Variants in DNAH2 observed in about 807,000 individuals in gnomAD.
DNAH2 encodes the protein dynein axonemal heavy chain 2, also known as axonemal beta dynein heavy chain 2.
A neutral mutation model predicts 523.5 loss-of-function variants in DNAH2; 323 were observed. The observed-to-expected ratio is 0.62, with a 90% CI of 0.56 to 0.68. DNAH2 has a LOEUF of 0.68. Ranked by LOEUF, DNAH2 falls within the 30% of genes least tolerant of loss-of-function variation. DNAH2 has a pLI of 0.00. For missense variants in DNAH2, 4,907 were observed against 5,701.5 expected, an observed-to-expected ratio of 0.86 and a Z score of 4.49; for synonymous variants, 2,093 against 2,177.4, an observed-to-expected ratio of 0.96 and a Z score of 1.08.
chr17:7,740,066 C>G (rs556777483), intron 9 of DNAH2, 128 bp downstream of exon 9: 434 of 282,692 alleles, frequency 1.5e-3, no homozygotes, highest in South Asian at 3.4e-3. Flanking sequence ...GGCGGTGGCC[C>G]GGGGGGGGGG....
chr17:7,721,827 G>A (rs1264565692), intron 2 of DNAH2, among the ~76,000 whole-genome samples: 1 of 152,194 alleles, frequency 6.6e-6, no homozygotes, highest in Non-Finnish European at 1.5e-5. Flanking sequence ...GGGTGTGGCA[G>A]AACTGAATGC....
In DNAH2 at chr17:7,751,725, T is replaced by A. The variant is rs2075688239; in HGVS notation, c.1905-5366T>A. On this transcript the variant is annotated intron_variant, in intron 12 of 85. Coordinates refer to ENST00000572933, the MANE Select transcript of DNAH2 (RefSeq NM_020877.5). ...AACCAAACTGTTTTAATTATTGTCC[T>A]CATTACTCTTCTTTCTTCAGAGTTT... Among the ~76,000 whole-genome samples the A allele has an allele frequency of 2.6e-5, 4 of 152,274 alleles. No homozygotes were observed. In the South Asian group the frequency reaches 8.3e-4, roughly 32 times the overall value.
At position 7,759,880 on chromosome 17, in the gene DNAH2, C is replaced by T. The variant is rs753492828; in HGVS notation, c.2727C>T (p.His909=). The T allele has an allele frequency of 2.5e-6, 4 of 1,614,218 alleles. No individual in the cohort carries two copies. The highest frequency in any genetic ancestry group is 4.5e-5 in the East Asian group (2 of 44,886). ...HLFSTISVFC[H]LPDILTKRKL... is the part of the protein sequence containing the mutation. ...TTTCCACCATCTCTGTCTTCTGCCA[C>T]CTCCCTGACATTCTCACCAAGCGCA... is the stretch of plus-strand genomic sequence containing the variant. Residue 909 remains histidine, a synonymous_variant, in exon 17 of 86, where the codon CAC becomes CAT. Transcript: ENST00000572933.
chr17:7,724,901 C>T (rs1263319906), intron 3 of DNAH2, among the ~76,000 whole-genome samples: 4 of 151,636 alleles, frequency 2.6e-5, no homozygotes, highest in Non-Finnish European at 2.9e-5. Flanking sequence ...CACCACCACG[C>T]CCAGCTAATT....
At chr17:7,720,524 G>A (rs181304091) in intron 2 of DNAH2, among the ~76,000 whole-genome samples, 3 of 152,270 alleles carry the variant, frequency 2.0e-5, no homozygotes, top group Non-Finnish European at 2.9e-5. Flanking sequence ...TCCTGTGGGT[G>A]AGCCGGAGCC....
Position 7,833,359 on chromosome 17 carries a change from TCTC to T in DNAH2, c.13130-16_13130-14del, listed in dbSNP as rs1183146494. 1.2e-6 allele frequency: 2 copies of T among 1,612,792 alleles called. No individual in the cohort carries two copies. Among genetic ancestry groups the T allele is most frequent in the Admixed American group, 1.7e-5 (1 of 60,010 alleles). On this transcript the variant is annotated splice_polypyrimidine_tract_variant and intron_variant, in intron 85 of 85. Coordinates refer to ENST00000572933, the MANE Select transcript of DNAH2 (RefSeq NM_020877.5). ...TCCCGGAGGCTCCAGGGGTCTGACT[TCTC>T]CTCTCCTTTCCCCCAGGCATGTACT...
Position 7,764,286 on chromosome 17 carries a change from G to A in DNAH2, c.3336+13G>A. ...AGTCGAGGACAGTGTGAGTTCCTTT[G>A]GTGTTTGGTTTACCTGGGACCCGTA... On this transcript the variant is annotated intron_variant, in intron 20 of 85. Coordinates refer to ENST00000572933, the MANE Select transcript of DNAH2 (RefSeq NM_020877.5). 6.3e-7 allele frequency: 1 copy of A among 1,585,920 alleles called. No individual in the cohort carries two copies. Among genetic ancestry groups the A allele is most frequent in the East Asian group, 2.2e-5 (1 of 44,726 alleles).
intron 4 of DNAH2, among the ~76,000 whole-genome samples, chr17:7,731,506 C>T (rs1397230257): frequency 2.0e-5 from 3 of 151,938 alleles, no homozygotes; most frequent in African/African-American, 7.2e-5. Flanking sequence ...TAATTAAAAA[C>T]AGCTTGCTCC....
chr17:7,763,068 C>T (rs772768064), intron 18 of DNAH2, among the ~76,000 whole-genome samples: 30 of 151,924 alleles, frequency 2.0e-4, no homozygotes, highest in East Asian at 3.9e-4. Flanking sequence ...CTCCGCCTCC[C>T]GGGTTCAAGT....
Position 7,758,952 on chromosome 17 carries a change from C to T in DNAH2, c.2276C>T (p.Ser759Leu). Residue 759 changes from serine (S) to leucine (L), a missense_variant, in exon 15 of 86, where the codon TCA (serine) becomes TTA (leucine). Ser to Leu is a moderately radical substitution (Grantham distance 145, BLOSUM62 -2). Transcript: ENST00000572933. ...LTIGWRAQEM[S>L]EKLLVRISGK... is the part of the protein sequence containing the mutation. Reference sequence around the variant, plus strand: ...ATTGGCTGGCGAGCCCAAGAGATGTCAGAGAAGCTGCTGGTACGCATTAGT... The same window carrying T: ...ATTGGCTGGCGAGCCCAAGAGATGTTAGAGAAGCTGCTGGTACGCATTAGT... 6.2e-7 allele frequency: 1 copy of T among 1,614,144 alleles called. No individual in the cohort carries two copies. The highest frequency in any genetic ancestry group is 8.5e-7 in the Non-Finnish European group (1 of 1,180,034).
At chr17:7,762,335 T>TC (rs1000179103) in intron 18 of DNAH2, among the ~76,000 whole-genome samples, 34 of 145,740 alleles carry the variant, frequency 2.3e-4, no homozygotes, top group African/African-American at 8.3e-4. Context: ...GGATTTCTTT[T>TC]TTTTTTTTTT....
intron 12 of DNAH2, among the ~76,000 whole-genome samples, chr17:7,745,628 G>A (rs1371389601): frequency 6.6e-6 from 1 of 151,012 alleles, no homozygotes; most frequent in Non-Finnish European, 1.5e-5. Flanking sequence ...ATCAGTGGGG[G>A]CATAAACAAA....
intron 44 of DNAH2, among the ~76,000 whole-genome samples, 159 bp from the exon 45 acceptor site, chr17:7,791,758 T>C (rs1471039644): frequency 2.0e-5 from 3 of 152,156 alleles, no homozygotes. Context: ...TTCAGCAGGT[T>C]GTAGATAAAC....
rs1485299705 is a variant in DNAH2, at chr17:7,797,498, A to T, written c.8048A>T (p.His2683Leu). The T allele has an allele frequency of 6.2e-7, 1 of 1,614,124 alleles. No individual in the cohort carries two copies. Among genetic ancestry groups the T allele is most frequent in the Admixed American group, 1.7e-5 (1 of 60,022 alleles). Residue 2683 changes from histidine to leucine, a missense_variant, in exon 52 of 86, where the codon CAT becomes CTT. Transcript: ENST00000572933. ...TCCTTCTTTGACCTCACATTTCATC[A>T]TCTCTGTCCCAGCAAGCGTCCTCCT... ...LGSFFDLTFHHLCPSKRPPIF... is the reference protein window; with the variant it reads ...LGSFFDLTFHLLCPSKRPPIF...
intron 35 of DNAH2, 118 bp from the exon 36 acceptor site, chr17:7,779,125 C>A: frequency 8.3e-7 from 1 of 1,209,268 alleles, no homozygotes; most frequent in Non-Finnish European, 1.2e-6. Context: ...TCCTCCCTGC[C>A]CCCTAGTCTG....
chr17:7,766,202 C>T (rs112893916), intron 21 of DNAH2, 116 bp from the exon 22 acceptor site: 49,520 of 1,131,610 alleles, frequency 0.044, 1,359 homozygotes, highest in Middle Eastern at 0.097. Flanking sequence ...CTCTCCTTCC[C>T]TTCCCTCTCT....
At chr17:7,727,391 C>A (rs751274968) in intron 4 of DNAH2, 99 bp downstream of exon 4, 1 of 1,462,266 alleles carries the variant, frequency 6.8e-7, no homozygotes, top group Non-Finnish European at 9.2e-7. Context: ...CCTGTGCCCA[C>A]GGCCTATTGA....
Position 7,831,209 on chromosome 17 carries a change from T to C in DNAH2, c.12354T>C (p.Asp4118=), listed in dbSNP as rs1204093787. Residue 4118 remains aspartate (D), a synonymous_variant, in exon 80 of 86, where the codon GAT becomes GAC. Transcript: ENST00000572933. The surrounding 1 kb of genome is among the most constrained non-coding windows in gnomAD (Gnocchi z 4.2). ...CCTTTGGCCAGCACCCCAATGCTGA[T>C]GTGGCCTCTCAGATCACTGAGGCAC... ...PEAFGQHPNA[D]VASQITEAQT... 2 of 1,614,226 alleles carry C rather than the reference T, an allele frequency of 1.2e-6. No homozygotes were observed. Among genetic ancestry groups the C allele is most frequent in the Non-Finnish European group, 1.7e-6 (2 of 1,180,040 alleles).
intron 20 of DNAH2, among the ~76,000 whole-genome samples, chr17:7,764,782 C>CTTTTTT (rs59188289): frequency 8.9e-4 from 44 of 49,462 alleles, no homozygotes; most frequent in Non-Finnish European, 1.3e-3. Context: ...ACTGTATTTA[C>CTTTTTT]TTTTTTTTTT....
Sources: gnomAD v4.1 joint callset for allele counts (sites outside exome capture counted in the v4.1 genomes callset) on GRCh38, gnomAD v4.1.1 for gene constraint, Gnocchi (gnomAD v3.1) non-coding constraint, MANE v1.5 for transcripts, NCBI Gene and HGNC (gene_info 2026-07-23, HGNC 2026-07-21) for gene names.